Variants in SKA2 observed in about 807,000 individuals in gnomAD.
SKA2 encodes spindle and kinetochore associated complex subunit 2.
SKA2 carries 13 observed loss-of-function variants against 16.9 expected under a neutral mutation model. That is an observed-to-expected ratio of 0.77 (90% CI 0.50 to 1.22). SKA2 has a LOEUF of 1.22. Ranked by LOEUF, SKA2 falls within the 50% of genes most tolerant of loss-of-function variation. The pLI is 0.00. For missense variants in SKA2, 107 were observed against 139.7 expected, an observed-to-expected ratio of 0.77 and a Z score of 1.18; for synonymous variants, 47 against 48.5, an observed-to-expected ratio of 0.97 and a Z score of 0.13.
intron 3 of SKA2, among the ~76,000 whole-genome samples, chr17:59,117,592 T>C (rs1446486932): frequency 4.0e-5 from 6 of 151,058 alleles, no homozygotes; most frequent in African/African-American, 1.5e-4. Context: ...TTCTTTTTTT[T>C]CTTTTTTTTT....
At chr17:59,136,309 C>T (rs2046444685) in intron 1 of SKA2, among the ~76,000 whole-genome samples, 1 of 151,786 alleles carries the variant, frequency 6.6e-6, no homozygotes, top group Non-Finnish European at 1.5e-5. Context: ...ATTACAGGCG[C>T]CTGCCACCAT....
At chr17:59,116,683 A>G (rs926672541) in intron 3 of SKA2, among the ~76,000 whole-genome samples, 3 of 151,770 alleles carry the variant, frequency 2.0e-5, no homozygotes, top group Admixed American at 1.3e-4. Flanking sequence ...ACATAGCACT[A>G]TTGGTTCCAA....
chr17:59,113,805 G>A (rs372177194), intron 3 of SKA2, among the ~76,000 whole-genome samples: 12 of 149,814 alleles, frequency 8.0e-5, no homozygotes, highest in East Asian at 5.9e-4. Context: ...CAGCCTGGGC[G>A]ACAAGAGTGA....
chr17:59,125,552 T>C (rs967944852), intron 2 of SKA2, among the ~76,000 whole-genome samples: 1 of 151,040 alleles, frequency 6.6e-6, no homozygotes, highest in Non-Finnish European at 1.5e-5. Flanking sequence ...AATACAAAAA[T>C]TAGCCAGGAT....
chr17:59,139,549 T>G (rs1310467413), intron 1 of SKA2, among the ~76,000 whole-genome samples: 1 of 152,090 alleles, frequency 6.6e-6, no homozygotes, highest in Non-Finnish European at 1.5e-5. Context: ...GAGTGCTCAC[T>G]ATGTTGCCCA....
At chr17:59,151,051 T>C in intron 1 of SKA2, 1 of 456,752 alleles carries the variant, frequency 2.2e-6, no homozygotes, top group Non-Finnish European at 4.5e-6. Context: ...AACAACATTA[T>C]AGTTCTCAGC....
chr17:59,153,246 AT>A (rs2046590833), intron 1 of SKA2, among the ~76,000 whole-genome samples: 1 of 152,244 alleles, frequency 6.6e-6, no homozygotes, highest in Non-Finnish European at 1.5e-5. Flanking sequence ...GTAGGGAGGA[AT>A]TCAGAATGGG....
At chr17:59,128,397 G>A (rs1340386454) in intron 2 of SKA2, among the ~76,000 whole-genome samples, 5 of 151,714 alleles carry the variant, frequency 3.3e-5, no homozygotes, top group Non-Finnish European at 7.4e-5. Flanking sequence ...GGCCGAGGAG[G>A]GTGGATCACC....
chr17:59,123,559 G>GAAA (rs749384512), intron 2 of SKA2, among the ~76,000 whole-genome samples: 1 of 126,642 alleles, frequency 7.9e-6, no homozygotes, highest in Non-Finnish European at 1.7e-5. Context: ...TCTGTCTCAG[G>GAAA]AAAAAAAAAA....
intron 1 of SKA2, 66 bp downstream of exon 1, chr17:59,155,065 G>C (rs769607242): frequency 6.2e-7 from 1 of 1,613,950 alleles, no homozygotes; most frequent in South Asian, 1.1e-5. Context: ...TCCAAATTGT[G>C]CCCCACCTCC....
chr17:59,147,599 C>G (rs1049424478), intron 1 of SKA2, among the ~76,000 whole-genome samples: 1 of 151,710 alleles, frequency 6.6e-6, no homozygotes, highest in Admixed American at 6.6e-5. Flanking sequence ...GCGTTTAGAA[C>G]CCATGTTGTA....
At chr17:59,152,953 A>C (rs1599683464) in intron 1 of SKA2, among the ~76,000 whole-genome samples, 2 of 152,322 alleles carry the variant, frequency 1.3e-5, no homozygotes, top group African/African-American at 2.4e-5. Context: ...AAGAATTTAA[A>C]TACTACCCCA....
At chr17:59,132,193 C>CA (rs1430775847) in intron 1 of SKA2, among the ~76,000 whole-genome samples, 3 of 151,018 alleles carry the variant, frequency 2.0e-5, no homozygotes, top group Non-Finnish European at 4.4e-5. Flanking sequence ...TCATCTCTAC[C>CA]AAAAATACAA....
At chr17:59,149,138 T>C (rs999090954) in intron 1 of SKA2, among the ~76,000 whole-genome samples, 3 of 152,210 alleles carry the variant, frequency 2.0e-5, no homozygotes, top group African/African-American at 7.2e-5. Flanking sequence ...GCATACTTTT[T>C]TTCCCCCAAG....
At chr17:59,122,687 G>C (rs1023174771) in intron 2 of SKA2, among the ~76,000 whole-genome samples, 1 of 152,140 alleles carries the variant, frequency 6.6e-6, no homozygotes, top group Non-Finnish European at 1.5e-5. Context: ...CTACTCGGGC[G>C]GCTAAGCAGG....
At chr17:59,126,565 A>G (rs1206209839) in intron 2 of SKA2, among the ~76,000 whole-genome samples, 2 of 152,208 alleles carry the variant, frequency 1.3e-5, no homozygotes, top group African/African-American at 2.4e-5. Context: ...GTTCCTTTAC[A>G]TGTATATAAA....
At chr17:59,154,288 A>G (rs924055914) in intron 1 of SKA2, among the ~76,000 whole-genome samples, 3 of 152,218 alleles carry the variant, frequency 2.0e-5, no homozygotes, top group South Asian at 2.1e-4. Context: ...TGGTAATCTA[A>G]GGATGGGAGG....
chr17:59,137,151 G>C (rs1177419695), intron 1 of SKA2, among the ~76,000 whole-genome samples: 1 of 151,974 alleles, frequency 6.6e-6, no homozygotes, highest in Non-Finnish European at 1.5e-5. Context: ...TGAGTAGCTG[G>C]GACTACAGAC....
intron 1 of SKA2, among the ~76,000 whole-genome samples, chr17:59,135,059 T>C (rs970518046): frequency 2.0e-5 from 3 of 152,066 alleles, no homozygotes. Context: ...GGTCTCGAAC[T>C]CCTGACCTCA....
Sources: gnomAD v4.1 joint callset for allele counts (sites outside exome capture counted in the v4.1 genomes callset) on GRCh38, gnomAD v4.1.1 for gene constraint, MANE v1.5 for transcripts, NCBI Gene and HGNC (gene_info 2026-07-23, HGNC 2026-07-21) for gene names.